DDA1: variants seen among roughly 807,000 people sequenced by gnomAD.
The protein encoded by DDA1 is DET1 and DDB1 associated 1.
A neutral mutation model predicts 18.6 loss-of-function variants in DDA1; 3 were observed. The observed-to-expected ratio is 0.16, with a 90% CI of 0.07 to 0.42. The LOEUF is 0.42. Among genes scored for constraint, DDA1 ranks in the 10% least tolerant of loss-of-function variants. The pLI, the probability that DDA1 is intolerant of heterozygous loss-of-function variation, is 0.99. For synonymous variants in DDA1, 52 were observed against 54.0 expected (o/e 0.96, Z 0.17); for missense variants, 105 against 138.2 (o/e 0.76, Z 1.20).
At chr19:17,316,663 A>G (rs1184289210) in intron 4 of DDA1, among the ~76,000 whole-genome samples, 2 of 151,828 alleles carry the variant, frequency 1.3e-5, no homozygotes, top group Non-Finnish European at 2.9e-5. Context: ...TCATGAGGTC[A>G]GGAGATCGAG....
In DDA1 at chr19:17,321,546, A is replaced by G. The variant is rs2363963; in HGVS notation, c.*1890A>G. 0.72 allele frequency: 110,580 copies of G among 152,564 alleles called. 41,433 individuals are homozygous for G. The highest frequency in any genetic ancestry group is 0.85 in the African/African-American group (35,473 of 41,540). The allele number at this position is 152,564 out of a possible 1,614,324, so 9.5% of individuals were successfully genotyped here. On this transcript the variant is annotated 3_prime_UTR_variant, in exon 5 of 5. Transcript: ENST00000359866. The stretch of plus-strand genomic sequence containing the variant: ...CAAAGTGCTGGGGTTACAGACGTGA[A>G]CCACCGTGCCTGGCAGAGGTCTCTG...
intron 1 of DDA1, among the ~76,000 whole-genome samples, chr19:17,312,822 A>C (rs1010111041): frequency 6.6e-6 from 1 of 151,644 alleles, no homozygotes; most frequent in Non-Finnish European, 1.5e-5. Context: ...CCGGGTGCTG[A>C]GCTGAGGCTG....
At chr19:17,312,923 G>C (rs1021287009) in intron 1 of DDA1, among the ~76,000 whole-genome samples, 1 of 152,054 alleles carries the variant, frequency 6.6e-6, no homozygotes, top group African/African-American at 2.4e-5. Flanking sequence ...TGCCTCCCGG[G>C]TGGGAGGGGG....
intron 3 of DDA1, among the ~76,000 whole-genome samples, chr19:17,315,426 G>A (rs1166564363): frequency 7.6e-4 from 41 of 54,212 alleles, no homozygotes; most frequent in African/African-American, 6.7e-3. Context: ...GTGTGTGTGT[G>A]TGCATATATA....
chr19:17,318,240 T>A (rs1357147422), intron 4 of DDA1, among the ~76,000 whole-genome samples: 4 of 151,882 alleles, frequency 2.6e-5, no homozygotes, highest in African/African-American at 7.3e-5. Flanking sequence ...TTTATTTATT[T>A]ATTTTTTTGA....
At chr19:17,316,049 C>T in intron 4 of DDA1, 54 bp downstream of exon 4, 2 of 1,585,314 alleles carry the variant, frequency 1.3e-6, no homozygotes, top group Admixed American at 1.7e-5. Context: ...AGACTGGGCA[C>T]CTGGCAGGGG....
At chr19:17,315,887 C>G in intron 3 of DDA1, 47 bp from the exon 4 acceptor site, 2 of 1,586,586 alleles carry the variant, frequency 1.3e-6, no homozygotes. Flanking sequence ...AGGGGAGGAG[C>G]CTGGGGAGGG....
At position 17,320,239 on chromosome 19, in the gene DDA1, A is replaced by G. The variant is rs2074233780; in HGVS notation, c.*583A>G. 6.6e-6 allele frequency: 1 copy of G among 152,636 alleles called. No individual in the cohort carries two copies. The highest frequency in any genetic ancestry group is 1.5e-5 in the Non-Finnish European group (1 of 68,366). 9.5% of individuals were successfully genotyped at this position (152,636 alleles called of 1,614,324 possible). On this transcript the variant is annotated 3_prime_UTR_variant, in exon 5 of 5. Coordinates refer to ENST00000359866, the MANE Select transcript of DDA1 (RefSeq NM_024050.6). ...CTTTCTCTTGAGTCATTTTATTTTT[A>G]TCATGGACTAGTGCGTGCTCCGTGT...
intron 4 of DDA1, 65 bp downstream of exon 4, chr19:17,316,060 CTT>C (rs1451169877): frequency 6.4e-7 from 1 of 1,550,658 alleles, no homozygotes; most frequent in Non-Finnish European, 8.9e-7. Context: ...CTGGCAGGGG[CTT>C]CTGAGCACAG....
intron 1 of DDA1, among the ~76,000 whole-genome samples, chr19:17,309,940 G>C (rs2074171244): frequency 6.7e-6 from 1 of 148,158 alleles, no homozygotes; most frequent in South Asian, 2.2e-4. Flanking sequence ...AATCGTCTGG[G>C]GTGGGGATGG....
At chr19:17,310,207 G>T (rs930125845) in intron 1 of DDA1, 1 of 153,818 alleles carries the variant, frequency 6.5e-6, no homozygotes, top group Non-Finnish European at 1.5e-5. Context: ...CGATCCGCAT[G>T]GATTGTCCCT....
rs114133588 is a variant in DDA1, at chr19:17,314,342, G to A, written c.89G>A (p.Arg30Gln). The A allele has an allele frequency of 6.2e-6, 10 of 1,614,194 alleles. No homozygotes were observed. The highest frequency in any genetic ancestry group is 4.5e-5 in the East Asian group (2 of 44,882). ...CCCTTCTCAACCCTCCTGCAGAACC[G>A]ACGGCCCTCAGTCTACCTGCCTACC... Reference protein sequence around the residue: ...HADSVCKASNRRPSVYLPTRE... With the variant: ...HADSVCKASNQRPSVYLPTRE... Residue 30 changes from arginine (R) to glutamine (Q), a missense_variant, in exon 3 of 5, where the codon CGA (arginine) becomes CAA (glutamine). By Grantham distance (43) the Arg-to-Gln change is conservative (BLOSUM62 1). This residue lies in a region of DDA1 where 43 missense variants were observed against 82.3 expected (regional missense o/e 0.52). Coordinates refer to ENST00000359866, the MANE Select transcript of DDA1 (RefSeq NM_024050.6). The surrounding 1 kb of genome is among the most constrained non-coding windows in gnomAD (Gnocchi z 4.6).
chr19:17,310,072 G>C (rs2074172092), intron 1 of DDA1: 1 of 205,410 alleles, frequency 4.9e-6, no homozygotes, highest in African/African-American at 2.3e-5. Context: ...TTGGCACCGC[G>C]ATATGCAGGG....
At chr19:17,315,430 A>G (rs77710383) in intron 3 of DDA1, among the ~76,000 whole-genome samples, 12,078 of 40,886 alleles carry the variant, frequency 0.3, 1,193 homozygotes, top group Non-Finnish European at 0.34. Context: ...GTGTGTGTGC[A>G]TATATATATA....
chr19:17,323,224 A>C lies in DDA1; in HGVS notation c.*3568A>C. On this transcript the variant is annotated 3_prime_UTR_variant, in exon 5 of 5. Coordinates refer to ENST00000359866, the MANE Select transcript of DDA1 (RefSeq NM_024050.6). ...CTTTTCCACTGCTCTGACCTCGGGC[A>C]CTGTTGAAATATAGTTTTTATTGCA... 2 of 168,792 alleles carry C rather than the reference A, an allele frequency of 1.2e-5. No homozygotes were observed. Among genetic ancestry groups the C allele is most frequent in the Admixed American group, 6.4e-5 (1 of 15,628 alleles). The allele number at this position is 168,792 out of a possible 1,614,324, so 10.5% of individuals were successfully genotyped here.
Position 17,319,926 on chromosome 19 carries a change from C to G in DDA1, c.*270C>G, listed in dbSNP as rs985778758. ...GCTTTTTAAAAAAAACAACATTGTC[C>G]CCCCGACCCCCGCCTTCCATCGGGC... On this transcript the variant is annotated 3_prime_UTR_variant, in exon 5 of 5. Coordinates refer to ENST00000359866, the MANE Select transcript of DDA1 (RefSeq NM_024050.6). 3 of 360,420 alleles carry G rather than the reference C, an allele frequency of 8.3e-6. No homozygotes were observed. The highest frequency in any genetic ancestry group is 1.5e-5 in the Non-Finnish European group (3 of 196,430). The allele number at this position is 360,420 out of a possible 1,614,324, so 22.3% of individuals were successfully genotyped here. A position where few individuals can be genotyped will look rare whatever the true frequency, so the allele number is the denominator to read the frequency against.
At chr19:17,316,620 AT>A (rs2074214403) in intron 4 of DDA1, among the ~76,000 whole-genome samples, 1 of 150,172 alleles carries the variant, frequency 6.7e-6, no homozygotes, top group Non-Finnish European at 1.5e-5. Context: ...CACGCCTGTA[AT>A]CCCAGCACTT....
chr19:17,309,634 C>T lies in DDA1; in HGVS notation c.-21C>T, dbSNP rs1475128744. The T allele has an allele frequency of 1.9e-6, 3 of 1,612,704 alleles. No individual in the cohort carries two copies. The highest frequency in any genetic ancestry group is 2.2e-5 in the East Asian group (1 of 44,822). ...GTGGAGGCTGAGGCGGCGGCCGAGG[C>T]GGCGACGGAGGAAACAGAAGATGGT... On this transcript the variant is annotated 5_prime_UTR_variant, in exon 1 of 5. Transcript: ENST00000359866.
intron 3 of DDA1, among the ~76,000 whole-genome samples, chr19:17,315,428 G>GTATATATATATATATATATATA (rs1568354197): frequency 2.8e-5 from 2 of 71,362 alleles, no homozygotes; most frequent in African/African-American, 9.6e-5. Context: ...GTGTGTGTGT[G>GTATATATATATATATATATATA]CATATATATA....
Sources: allele counts gnomAD v4.1 joint callset (sites outside exome capture counted in the v4.1 genomes callset), GRCh38; gene constraint gnomAD v4.1.1; regional missense constraint gnomAD v4.1.1; non-coding constraint Gnocchi (gnomAD v3.1); transcripts MANE v1.5; gene names NCBI Gene and HGNC (gene_info 2026-07-23, HGNC 2026-07-21).